WIPF3: variants seen among roughly 807,000 people sequenced by gnomAD.
The protein encoded by WIPF3 is WAS/WASL-interacting protein family member 3.
WIPF3 carries 33 observed loss-of-function variants against 38.9 expected under a neutral mutation model. The observed-to-expected ratio is 0.85, with a 90% CI of 0.64 to 1.14. The LOEUF (loss-of-function observed/expected upper bound fraction) is 1.14. Ranked by LOEUF, WIPF3 falls within the 50% of genes most tolerant of loss-of-function variation. The probability of loss-of-function intolerance (pLI) is 0.00; values close to 1 mark genes in which losing one functional copy is unlikely to be tolerated. For missense variants in WIPF3, 711 were observed against 652.5 expected (o/e 1.09, Z -0.98); for synonymous variants, 324 against 269.3 (o/e 1.20, Z -1.99).
intron 1 of WIPF3, among the ~76,000 whole-genome samples, chr7:29,816,398 A>G (rs1784458989): frequency 6.6e-6 from 1 of 152,098 alleles, no homozygotes; most frequent in Non-Finnish European, 1.5e-5. Flanking sequence ...CTGCCTGATT[A>G]TGGCTCACTG....
At chr7:29,900,745 G>T (rs1786258657) in intron 7 of WIPF3, among the ~76,000 whole-genome samples, 1 of 152,242 alleles carries the variant, frequency 6.6e-6, no homozygotes, top group African/African-American at 2.4e-5. Flanking sequence ...TACAGCTAGA[G>T]AAGCCAAAGC....
chr7:29,815,009 C>T (rs1013451236), intron 1 of WIPF3, among the ~76,000 whole-genome samples: 1 of 152,148 alleles, frequency 6.6e-6, no homozygotes, highest in Non-Finnish European at 1.5e-5. Flanking sequence ...TTCCTTTTAA[C>T]AATAGGAGTC....
intron 2 of WIPF3, among the ~76,000 whole-genome samples, chr7:29,875,371 G>T (rs1196690798): frequency 1.3e-5 from 2 of 152,098 alleles, no homozygotes; most frequent in African/African-American, 2.4e-5. Context: ...TTGCTCAGCA[G>T]AACAGTCCAG....
At chr7:29,889,254 C>G in intron 6 of WIPF3, 52 bp from the exon 7 acceptor site, 1 of 1,472,220 alleles carries the variant, frequency 6.8e-7, no homozygotes, top group Non-Finnish European at 9.5e-7. Context: ...ATGATCAAAA[C>G]TTGGATCATG....
intron 3 of WIPF3, 60 bp downstream of exon 3, chr7:29,876,022 A>G (rs1785589815): frequency 1.3e-6 from 2 of 1,588,912 alleles, no homozygotes; most frequent in African/African-American, 1.3e-5. Flanking sequence ...CATGTGAGGC[A>G]CAGCCAGACA....
intron 2 of WIPF3, among the ~76,000 whole-genome samples, chr7:29,836,849 G>A (rs564152024): frequency 1.3e-5 from 2 of 152,210 alleles, no homozygotes; most frequent in African/African-American, 4.8e-5. Context: ...AATTAGTCAG[G>A]CATGGTGGCA....
intron 2 of WIPF3, among the ~76,000 whole-genome samples, chr7:29,869,033 T>C (rs1255690633): frequency 6.6e-6 from 1 of 151,908 alleles, no homozygotes; most frequent in Admixed American, 6.6e-5. Context: ...ACTCTTTTTT[T>C]TTTTTCATTT....
At chr7:29,877,885 C>T (rs1785636563) in intron 3 of WIPF3, among the ~76,000 whole-genome samples, 1 of 152,112 alleles carries the variant, frequency 6.6e-6, no homozygotes, top group African/African-American at 2.4e-5. Flanking sequence ...ATCTGAAATA[C>T]TTTGGTCCCA....
At chr7:29,871,264 T>G (rs1435434472) in intron 2 of WIPF3, among the ~76,000 whole-genome samples, 1 of 152,224 alleles carries the variant, frequency 6.6e-6, no homozygotes, top group Non-Finnish European at 1.5e-5. Context: ...CCATTCTGGC[T>G]GTCCTTGGGA....
chr7:29,883,709 C>T, intron 4 of WIPF3, 141 bp from the exon 5 acceptor site: 2 of 1,205,474 alleles, frequency 1.7e-6, no homozygotes, highest in South Asian at 2.1e-5. Flanking sequence ...GCACCTGAGG[C>T]CTCTCAGTGG....
chr7:29,827,861 C>G (rs937127035), intron 1 of WIPF3, among the ~76,000 whole-genome samples: 1 of 152,154 alleles, frequency 6.6e-6, no homozygotes, highest in East Asian at 1.9e-4. Context: ...GTGGTACAAT[C>G]GCAGCTTACT....
chr7:29,898,565 T>C (rs2128079402), intron 7 of WIPF3, among the ~76,000 whole-genome samples: 1 of 152,288 alleles, frequency 6.6e-6, no homozygotes, highest in Non-Finnish European at 1.5e-5. Flanking sequence ...ATTCCTATCA[T>C]GGTTCATAAG....
chr7:29,817,437 A>T (rs1784473438), intron 1 of WIPF3, among the ~76,000 whole-genome samples: 1 of 152,094 alleles, frequency 6.6e-6, no homozygotes, highest in Non-Finnish European at 1.5e-5. Context: ...TGTAGATTTT[A>T]AAAATTCTCT....
chr7:29,847,043 A>G (rs1304049307), intron 2 of WIPF3, among the ~76,000 whole-genome samples: 1 of 152,190 alleles, frequency 6.6e-6, no homozygotes, highest in African/African-American at 2.4e-5. Context: ...GTTTTTGTCT[A>G]TTTTGCTCAC....
At chr7:29,820,423 T>C (rs1402954176) in intron 1 of WIPF3, among the ~76,000 whole-genome samples, 2 of 152,170 alleles carry the variant, frequency 1.3e-5, no homozygotes, top group Non-Finnish European at 2.9e-5. Flanking sequence ...ATGTTTGTTA[T>C]TATTTTTGTT....
At chr7:29,828,409 C>T (rs1562771870) in intron 1 of WIPF3, among the ~76,000 whole-genome samples, 1 of 152,190 alleles carries the variant, frequency 6.6e-6, no homozygotes, top group Non-Finnish European at 1.5e-5. Flanking sequence ...GTAGGGCGCC[C>T]GTACCCTCAC....
intron 7 of WIPF3, among the ~76,000 whole-genome samples, chr7:29,890,603 T>G (rs929221094): frequency 1.3e-5 from 2 of 152,240 alleles, no homozygotes; most frequent in African/African-American, 4.8e-5. Flanking sequence ...GCCCGTCTTC[T>G]TTCAGAGGGA....
chr7:29,835,956 C>G (rs758502698), intron 2 of WIPF3, among the ~76,000 whole-genome samples: 38 of 152,282 alleles, frequency 2.5e-4, no homozygotes, highest in Admixed American at 3.3e-4. Context: ...GCTGCATGAC[C>G]ACAGGCCCTG....
intron 2 of WIPF3, among the ~76,000 whole-genome samples, chr7:29,836,010 C>T (rs4719991): frequency 6.6e-6 from 1 of 152,020 alleles, no homozygotes; most frequent in Non-Finnish European, 1.5e-5. Flanking sequence ...ACGTGACATT[C>T]GTTTGGACAC....
Sources: allele counts gnomAD v4.1 joint callset (sites outside exome capture counted in the v4.1 genomes callset), GRCh38; gene constraint gnomAD v4.1.1; transcripts MANE v1.5; gene names NCBI Gene and HGNC (gene_info 2026-07-23, HGNC 2026-07-21).